Variants in ZEB2 observed in about 807,000 individuals in gnomAD.
The protein encoded by ZEB2 is zinc finger E-box-binding homeobox 2.
Under a neutral mutation model 99.9 loss-of-function variants are expected in ZEB2, and 6 were observed. The ratio of observed to expected loss-of-function variants is 0.06; its 90% CI spans 0.03 to 0.12. The LOEUF (loss-of-function observed/expected upper bound fraction) is 0.12, where lower values mean the gene tolerates loss of function less well. Ranked by LOEUF, ZEB2 falls within the 10% of genes least tolerant of loss-of-function variation. ZEB2 has a pLI of 1.00. For missense variants in ZEB2, 969 were observed against 1,502.8 expected (o/e 0.64, Z 5.87); for synonymous variants, 517 against 542.5 (o/e 0.95, Z 0.65).
At chr2:144,397,449 G>A (rs1483140585) in intron 8 of ZEB2, among the ~76,000 whole-genome samples, 2 of 152,194 alleles carry the variant, frequency 1.3e-5, no homozygotes, top group African/African-American at 4.8e-5. Flanking sequence ...ATTATATGCT[G>A]CATAATGTTA....
chr2:144,453,518 C>A (rs559660079), intron 2 of ZEB2, among the ~76,000 whole-genome samples: 47 of 152,176 alleles, frequency 3.1e-4, no homozygotes, highest in Non-Finnish European at 4.9e-4. Context: ...CATTTTTATG[C>A]AGACTCATTA....
intron 2 of ZEB2, among the ~76,000 whole-genome samples, chr2:144,432,981 A>T (rs1053565856): frequency 1.3e-5 from 2 of 152,130 alleles, no homozygotes; most frequent in African/African-American, 4.8e-5. Context: ...TTCCCATATA[A>T]CGTAGCAAAG....
Position 144,404,145 on chromosome 2 carries a change from C to G in ZEB2, c.593-15G>C. 1 of 1,603,970 alleles carries G rather than the reference C, an allele frequency of 6.2e-7. No homozygotes were observed. Among genetic ancestry groups the G allele is most frequent in the South Asian group, 1.1e-5 (1 of 90,416 alleles). On this transcript the variant is annotated splice_polypyrimidine_tract_variant and intron_variant, in intron 5 of 9. Coordinates refer to ENST00000627532, the MANE Select transcript of ZEB2 (RefSeq NM_014795.4). ...AGGTGGCAGGTCTGTAGCCGAGAGA[C>G]AGAGAGAGAGAGAAGCGGGCCAAAA...
chr2:144,404,831 C>T lies in ZEB2; in HGVS notation c.592+5G>A, dbSNP rs1384789862. ...GCAGTGGCTAAAAATGATTTACAGC[C>T]TCACCATTTTCTTCTTGCCCATTGG... On this transcript the variant is annotated splice_donor_5th_base_variant and intron_variant, in intron 5 of 9. Transcript: ENST00000627532. The T allele has an allele frequency of 6.2e-7, 1 of 1,613,622 alleles. No homozygotes were observed.
At chr2:144,417,643 A>G (rs1162856686) in intron 4 of ZEB2, among the ~76,000 whole-genome samples, 4 of 152,198 alleles carry the variant, frequency 2.6e-5, no homozygotes, top group Non-Finnish European at 2.9e-5. Flanking sequence ...TTATCCATTC[A>G]TCTGTTGATG....
rs1156897284 is a variant in ZEB2 at position 144,387,901 on chromosome 2, A to G, written c.*1550T>C. ...TGGTACCAGTCAAAATTATTGCTAA[A>G]CTAAAATTATATGAAAAAAACATAA... On this transcript the variant is annotated 3_prime_UTR_variant, in exon 10 of 10. Coordinates refer to ENST00000627532, the MANE Select transcript of ZEB2 (RefSeq NM_014795.4). 6.6e-6 allele frequency: 1 copy of G among 152,530 alleles called. No homozygotes were observed. The highest frequency in any genetic ancestry group is 2.4e-5 in the African/African-American group (1 of 41,480). 9.4% of individuals were successfully genotyped at this position (152,530 alleles called of 1,614,324 possible).
intron 9 of ZEB2, among the ~76,000 whole-genome samples, chr2:144,391,943 A>C (rs1185702864): frequency 6.6e-6 from 1 of 152,238 alleles, no homozygotes. Context: ...TGGACTGGGC[A>C]TAAAGAATAA....
intron 2 of ZEB2, chr2:144,464,394 T>C (rs982789977): frequency 2.0e-5 from 3 of 152,178 alleles, no homozygotes; most frequent in Admixed American, 6.5e-5. Context: ...AAATCTACCA[T>C]TTGGTTATTT....
At chr2:144,491,393 G>A (rs1573797088) in intron 2 of ZEB2, among the ~76,000 whole-genome samples, 1 of 148,042 alleles carries the variant, frequency 6.8e-6, no homozygotes, top group Non-Finnish European at 1.5e-5. Context: ...TACTGTTAAT[G>A]AAAAAAGGGG....
chr2:144,392,348 C>G (rs1703163995), intron 9 of ZEB2, among the ~76,000 whole-genome samples: 1 of 152,060 alleles, frequency 6.6e-6, no homozygotes, highest in East Asian at 1.9e-4. Flanking sequence ...GAGCAGTGTC[C>G]AGAGAGAGCA....
chr2:144,460,335 T>C (rs1482547967), intron 2 of ZEB2, among the ~76,000 whole-genome samples: 1 of 152,042 alleles, frequency 6.6e-6, no homozygotes, highest in Non-Finnish European at 1.5e-5. Context: ...TGATATGGGG[T>C]GGGTGGTTGT....
intron 9 of ZEB2, among the ~76,000 whole-genome samples, chr2:144,393,161 T>C (rs1703174081): frequency 6.6e-6 from 1 of 152,212 alleles, no homozygotes; most frequent in African/African-American, 2.4e-5. Context: ...ACAGTCCTTG[T>C]TTGTGACAAT....
At chr2:144,485,049 A>G (rs932883278) in intron 2 of ZEB2, among the ~76,000 whole-genome samples, 2 of 152,162 alleles carry the variant, frequency 1.3e-5, no homozygotes, top group Non-Finnish European at 2.9e-5. Flanking sequence ...AAATAAGACT[A>G]TGGATCTTGG....
Position 144,446,465 on chromosome 2 carries a change from C to T in ZEB2, c.74-16439G>A, listed in dbSNP as rs76130508. 7.5e-4 allele frequency among the ~76,000 whole-genome samples: 114 copies of T among 152,032 alleles called. 3 individuals are homozygous for T. In the East Asian group the frequency reaches 0.021, roughly 28 times the overall value. Reference sequence around the variant, plus strand: ...GCCTAGTAAGTGAGCAATTAAGTCACGTAGTCAATATGGAAAAGATACACC... The same window carrying T: ...GCCTAGTAAGTGAGCAATTAAGTCATGTAGTCAATATGGAAAAGATACACC... On this transcript the variant is annotated intron_variant, in intron 2 of 9. Transcript: ENST00000627532.
At chr2:144,517,884 C>A in intron 1 of ZEB2, 1 of 518,464 alleles carries the variant, frequency 1.9e-6, no homozygotes, top group Non-Finnish European at 3.5e-6. Context: ...CGAAACAGCC[C>A]CTGGATGAAG....
At chr2:144,511,682 T>C (rs1035797622) in intron 2 of ZEB2, 2 of 1,287,038 alleles carry the variant, frequency 1.6e-6, no homozygotes, top group Non-Finnish European at 2.0e-6. Context: ...TGTAAATATA[T>C]ACAAAATTCA....
chr2:144,403,900 A>G lies in ZEB2; in HGVS notation c.807+16T>C. The G allele has an allele frequency of 6.2e-7, 1 of 1,614,134 alleles. No homozygotes were observed. The highest frequency in any genetic ancestry group is 1.3e-5 in the African/African-American group (1 of 75,038). On this transcript the variant is annotated intron_variant, in intron 6 of 9. Coordinates refer to ENST00000627532, the MANE Select transcript of ZEB2 (RefSeq NM_014795.4). ...GGGTTATTATAGAAAGAAATCACTT[A>G]AAACCATCCCCCCACCTGATCTGTC...
At chr2:144,426,271 T>G (rs868397717) in intron 3 of ZEB2, among the ~76,000 whole-genome samples, 3 of 152,212 alleles carry the variant, frequency 2.0e-5, no homozygotes, top group Non-Finnish European at 4.4e-5. Flanking sequence ...TATTGTATTG[T>G]CAATTGTAAT....
chr2:144,426,755 T>C (rs1228438266), intron 3 of ZEB2: 1 of 152,192 alleles, frequency 6.6e-6, no homozygotes, highest in Non-Finnish European at 1.5e-5. Flanking sequence ...GATGAGATGG[T>C]GTCACTTTTA....
Sources: gnomAD v4.1 joint callset for allele counts (sites outside exome capture counted in the v4.1 genomes callset) on GRCh38, gnomAD v4.1.1 for gene constraint, MANE v1.5 for transcripts, NCBI Gene and HGNC (gene_info 2026-07-23, HGNC 2026-07-21) for gene names.